WDR47: variants seen among roughly 807,000 people sequenced by gnomAD.
WDR47 encodes WD repeat-containing protein 47.
WDR47 carries 32 observed loss-of-function variants against 97.2 expected under a neutral mutation model. The observed-to-expected ratio is 0.33, with a 90% confidence interval of 0.25 to 0.44. WDR47 has a LOEUF of 0.44. Ranked by LOEUF, WDR47 falls within the 20% of genes least tolerant of loss-of-function variation. The pLI is 1.00. For missense variants in WDR47, 782 were observed against 1,102.3 expected (o/e 0.71, Z 4.11); for synonymous variants, 375 against 373.5 (o/e 1.00, Z -0.05).
At chr1:109,037,328 TAA>T (rs67766358) in intron 1 of WDR47, among the ~76,000 whole-genome samples, 3 of 117,010 alleles carry the variant, frequency 2.6e-5, no homozygotes, top group Non-Finnish European at 3.5e-5. Flanking sequence ...AAACTCCGTC[TAA>T]AAAAAAAAAA....
rs879015250 is a variant in WDR47 at position 109,010,909 on chromosome 1, T to C, written c.1130+7A>G. The C allele has an allele frequency of 1.3e-6, 2 of 1,599,936 alleles. No homozygotes were observed. ...AGATTTCCTAATTTTTATAACCAAA[T>C]GCTTACCGCTCAGGGGATTCTTCGT... On this transcript the variant is annotated splice_region_variant and intron_variant, in intron 5 of 14. Transcript: ENST00000369962.
In WDR47 at chr1:108,979,966, G is replaced by A. The variant is rs141882754; in HGVS notation, c.2398+1767C>T. 1.5e-4 allele frequency among the ~76,000 whole-genome samples: 23 copies of A among 152,250 alleles called. No homozygotes were observed. In the East Asian group the frequency reaches 1.7e-3, roughly 12 times the overall value. ...GAGTGAGCATTACCACCTGAGCTCC[G>A]CCTCCTGTCAGATCAGTGGTGGCAT... On this transcript the variant is annotated intron_variant, in intron 13 of 14. Transcript: ENST00000369962.
At chr1:109,018,782 C>T (rs544225627) in intron 2 of WDR47, among the ~76,000 whole-genome samples, 4 of 152,038 alleles carry the variant, frequency 2.6e-5, no homozygotes, top group Admixed American at 2.6e-4. Context: ...CCACTGCACT[C>T]CAGCCTGGGC....
chr1:109,030,113 G>T (rs957238449), intron 1 of WDR47: 2 of 1,103,998 alleles, frequency 1.8e-6, no homozygotes, highest in East Asian at 5.2e-5. Flanking sequence ...AAGAAGAGAA[G>T]AAGAAACACA....
chr1:109,004,787 A>C, intron 5 of WDR47, 72 bp from the exon 6 acceptor site: 3 of 1,476,266 alleles, frequency 2.0e-6, no homozygotes, highest in Non-Finnish European at 2.7e-6. Context: ...TTAGTTAGAG[A>C]AATTTTATTT....
intron 10 of WDR47, among the ~76,000 whole-genome samples, chr1:108,984,669 G>C (rs767820397): frequency 3.5e-4 from 54 of 152,132 alleles, no homozygotes; most frequent in Admixed American, 1.2e-3. Flanking sequence ...CAAGAGGTCA[G>C]GAAATCAAGA....
intron 7 of WDR47, among the ~76,000 whole-genome samples, chr1:108,997,914 TGA>T (rs969197895): frequency 2.6e-5 from 4 of 152,236 alleles, no homozygotes; most frequent in African/African-American, 7.2e-5. Flanking sequence ...GTACAATTAT[TGA>T]GAGGTGTTGT....
chr1:108,995,228 G>C (rs1317086950), intron 8 of WDR47, among the ~76,000 whole-genome samples: 4 of 152,146 alleles, frequency 2.6e-5, no homozygotes, highest in Admixed American at 1.3e-4. Flanking sequence ...TCTATGCCCT[G>C]AAAGTCTGAA....
At chr1:108,981,638 A>T (rs1658353740) in intron 13 of WDR47, 95 bp downstream of exon 13, 2 of 1,245,686 alleles carry the variant, frequency 1.6e-6, no homozygotes, top group South Asian at 1.7e-5. Flanking sequence ...TTATTTCACA[A>T]TTTTTTCTAT....
intron 5 of WDR47, among the ~76,000 whole-genome samples, chr1:109,009,399 C>CT (rs1376777292): frequency 6.6e-6 from 1 of 152,138 alleles, no homozygotes; most frequent in African/African-American, 2.4e-5. Flanking sequence ...TGAATGGTGG[C>CT]TTTAACACTT....
At chr1:108,981,979 T>G (rs1272359764) in intron 12 of WDR47, 115 bp from the exon 13 acceptor site, 4 of 1,188,306 alleles carry the variant, frequency 3.4e-6, no homozygotes, top group Non-Finnish European at 4.6e-6. Flanking sequence ...TCCCAGCTAC[T>G]CAGGAGGCTG....
At chr1:109,006,964 A>G (rs564978442) in intron 5 of WDR47, among the ~76,000 whole-genome samples, 5 of 151,866 alleles carry the variant, frequency 3.3e-5, no homozygotes, top group South Asian at 2.1e-4. Context: ...TTGAGATAGG[A>G]TATCTTGCTG....
chr1:108,982,939 G>A (rs368893786), intron 11 of WDR47, among the ~76,000 whole-genome samples, 160 bp from the exon 12 acceptor site: 1 of 152,122 alleles, frequency 6.6e-6, no homozygotes, highest in African/African-American at 2.4e-5. Flanking sequence ...TCACTTTACT[G>A]AGCAAAGAAT....
chr1:109,024,232 G>A (rs1301767329), intron 1 of WDR47, among the ~76,000 whole-genome samples: 1 of 152,174 alleles, frequency 6.6e-6, no homozygotes, highest in East Asian at 1.9e-4. Flanking sequence ...TGGAGGGACT[G>A]CTTGAGTTCA....
At chr1:109,028,685 T>G (rs1662400048) in intron 1 of WDR47, among the ~76,000 whole-genome samples, 1 of 148,002 alleles carries the variant, frequency 6.8e-6, no homozygotes, top group South Asian at 2.1e-4. Context: ...TCTCCTGATC[T>G]CGTCATCCGC....
At chr1:108,997,116 C>CAAA (rs66580765) in intron 7 of WDR47, among the ~76,000 whole-genome samples, 5 of 134,966 alleles carry the variant, frequency 3.7e-5, no homozygotes, top group African/African-American at 1.3e-4. Flanking sequence ...TCTCCATCTC[C>CAAA]AAAAAAAAAA....
chr1:109,027,597 T>C (rs931849371), intron 1 of WDR47, among the ~76,000 whole-genome samples: 3 of 151,504 alleles, frequency 2.0e-5, no homozygotes, highest in Non-Finnish European at 4.4e-5. Context: ...AATCTCGGTT[T>C]ACTGCAACCT....
At chr1:109,000,591 C>A (rs1316501577) in intron 7 of WDR47, among the ~76,000 whole-genome samples, 1 of 150,610 alleles carries the variant, frequency 6.6e-6, no homozygotes, top group African/African-American at 2.4e-5. Flanking sequence ...TGGGAGAATC[C>A]CTTCAGCTGG....
At chr1:108,988,997 A>C (rs981792908) in intron 9 of WDR47, among the ~76,000 whole-genome samples, 12 of 152,102 alleles carry the variant, frequency 7.9e-5, no homozygotes, top group African/African-American at 2.7e-4. Flanking sequence ...AGCTCAAGTG[A>C]TCTGCCACCT....
Sources: allele counts gnomAD v4.1 joint callset (sites outside exome capture counted in the v4.1 genomes callset), GRCh38; gene constraint gnomAD v4.1.1; transcripts MANE v1.5; gene names NCBI Gene and HGNC (gene_info 2026-07-23, HGNC 2026-07-21).